The following BRINP2 variants were observed in gnomAD, a reference collection of about 807,000 sequenced individuals.
BRINP2 encodes the protein BMP/retinoic acid-inducible neural-specific protein 2.
Under a neutral mutation model 69.2 loss-of-function variants are expected in BRINP2, and 21 were observed. The ratio of observed to expected loss-of-function variants is 0.30; its 90% confidence interval spans 0.22 to 0.44. The LOEUF is 0.44. Ranked by LOEUF, BRINP2 falls within the 20% of genes least tolerant of loss-of-function variation. BRINP2 has a pLI of 1.00. For synonymous variants in BRINP2, 380 were observed against 394.1 expected (o/e 0.96, Z 0.42); for missense variants, 877 against 986.0 (o/e 0.89, Z 1.48).
chr1:177,276,041 C>T (rs936555094), intron 5 of BRINP2, among the ~76,000 whole-genome samples, 157 bp from the exon 6 acceptor site: 2 of 152,224 alleles, frequency 1.3e-5, no homozygotes, highest in African/African-American at 4.8e-5. Context: ...CCTTCTCCCC[C>T]AACCAGCTCA....
At chr1:177,263,225 G>A (rs1651014222) in intron 4 of BRINP2, among the ~76,000 whole-genome samples, 1 of 152,094 alleles carries the variant, frequency 6.6e-6, no homozygotes, top group Non-Finnish European at 1.5e-5. Context: ...GTATGAGTGG[G>A]TGATGCCTAA....
chr1:177,233,502 G>T (rs1220691702), intron 2 of BRINP2, among the ~76,000 whole-genome samples: 1 of 152,210 alleles, frequency 6.6e-6, no homozygotes, highest in Admixed American at 6.5e-5. Flanking sequence ...ATGCAGGAAG[G>T]ATAATGAGAT....
At chr1:177,181,822 A>G (rs1192616123) in intron 1 of BRINP2, among the ~76,000 whole-genome samples, 5 of 152,190 alleles carry the variant, frequency 3.3e-5, no homozygotes, top group Admixed American at 2.0e-4. Flanking sequence ...GAGCAAGGGC[A>G]GCCTCCTCCG....
At chr1:177,261,770 G>A (rs528441302) in intron 4 of BRINP2, among the ~76,000 whole-genome samples, 7 of 152,284 alleles carry the variant, frequency 4.6e-5, no homozygotes, top group African/African-American at 1.7e-4. Context: ...GTGGCCCTAG[G>A]GCTGAGTTGT....
intron 2 of BRINP2, among the ~76,000 whole-genome samples, chr1:177,245,314 G>A (rs935310343): frequency 2.0e-5 from 3 of 152,042 alleles, no homozygotes; most frequent in Admixed American, 6.5e-5. Flanking sequence ...GGTGGAGCAT[G>A]TAGGCCTAGG....
At chr1:177,257,880 A>C (rs1368753397) in intron 4 of BRINP2, among the ~76,000 whole-genome samples, 1 of 152,202 alleles carries the variant, frequency 6.6e-6, no homozygotes, top group Non-Finnish European at 1.5e-5. Context: ...CAAAGTACTA[A>C]GTACTTGTTC....
At chr1:177,208,013 T>C (rs1649114031) in intron 1 of BRINP2, among the ~76,000 whole-genome samples, 1 of 151,382 alleles carries the variant, frequency 6.6e-6, no homozygotes, top group African/African-American at 2.4e-5. Flanking sequence ...ACCTGGTGGT[T>C]ACAACCTGCA....
At position 177,282,399 on chromosome 1, in the gene BRINP2, T is replaced by C. The variant is rs1651734410; in HGVS notation, c.*871T>C. ...TGCTCCAACCACCTGAACATCTAAG[T>C]AAACATTTATCTGGTTTAATATATT... On this transcript the variant is annotated 3_prime_UTR_variant, in exon 8 of 8. Transcript: ENST00000361539. 5.9e-5 allele frequency: 9 copies of C among 151,916 alleles called. No individual in the cohort carries two copies. The highest frequency in any genetic ancestry group is 5.9e-4 in the Admixed American group (9 of 15,250). 9.4% of individuals were successfully genotyped at this position (151,916 alleles called of 1,614,324 possible).
intron 2 of BRINP2, among the ~76,000 whole-genome samples, chr1:177,251,925 T>A (rs1423086957): frequency 6.6e-6 from 1 of 152,156 alleles, no homozygotes; most frequent in African/African-American, 2.4e-5. Flanking sequence ...GATTAGAAAT[T>A]ATTAGTTAAT....
At chr1:177,177,619 C>A (rs1648130101) in intron 1 of BRINP2, among the ~76,000 whole-genome samples, 1 of 151,146 alleles carries the variant, frequency 6.6e-6, no homozygotes, top group South Asian at 2.1e-4. Flanking sequence ...CCTTCTCTTT[C>A]TATTTACTTC....
At chr1:177,241,159 G>C (rs1206883702) in intron 2 of BRINP2, among the ~76,000 whole-genome samples, 1 of 152,068 alleles carries the variant, frequency 6.6e-6, no homozygotes, top group Non-Finnish European at 1.5e-5. Flanking sequence ...TTTTAGTAGA[G>C]ACCGGGTTTC....
intron 1 of BRINP2, among the ~76,000 whole-genome samples, chr1:177,216,300 G>A (rs1649374332): frequency 1.3e-5 from 2 of 152,086 alleles, no homozygotes; most frequent in South Asian, 2.1e-4. Flanking sequence ...GTTGCCATGA[G>A]GCTTACATAG....
intron 1 of BRINP2, among the ~76,000 whole-genome samples, chr1:177,227,605 A>C (rs570180904): frequency 6.6e-6 from 1 of 151,186 alleles, no homozygotes; most frequent in African/African-American, 2.4e-5. Flanking sequence ...TTTAGTTTCA[A>C]AAGAGTTTTT....
At chr1:177,265,421 A>G (rs1017561712) in intron 4 of BRINP2, among the ~76,000 whole-genome samples, 1 of 152,152 alleles carries the variant, frequency 6.6e-6, no homozygotes, top group East Asian at 1.9e-4. Context: ...GCCCACTGCC[A>G]TTTCCTTAAT....
intron 1 of BRINP2, among the ~76,000 whole-genome samples, chr1:177,196,216 T>C (rs1648739316): frequency 6.6e-6 from 1 of 152,212 alleles, no homozygotes; most frequent in African/African-American, 2.4e-5. Context: ...TCAACCCAGA[T>C]ATACCTTAGA....
intron 4 of BRINP2, among the ~76,000 whole-genome samples, chr1:177,272,904 T>C (rs1012949977): frequency 1.3e-5 from 2 of 152,242 alleles, no homozygotes; most frequent in Non-Finnish European, 2.9e-5. Flanking sequence ...TTTGAAATAT[T>C]ACATGGCTAT....
chr1:177,227,724 C>T (rs970667933), intron 1 of BRINP2, among the ~76,000 whole-genome samples: 9 of 151,636 alleles, frequency 5.9e-5, no homozygotes, highest in Non-Finnish European at 1.5e-5. Flanking sequence ...ACTAATTTTC[C>T]AATATTAGGT....
chr1:177,265,991 G>A (rs1651105195), intron 4 of BRINP2, among the ~76,000 whole-genome samples: 1 of 151,488 alleles, frequency 6.6e-6, no homozygotes, highest in African/African-American at 2.4e-5. Context: ...GTGGTGGCAG[G>A]CGCCTGTAGT....
intron 4 of BRINP2, among the ~76,000 whole-genome samples, chr1:177,268,213 G>A (rs1463322182): frequency 6.6e-6 from 1 of 152,120 alleles, no homozygotes; most frequent in Non-Finnish European, 1.5e-5. Flanking sequence ...TGTCTGCCAG[G>A]GAACATTACT....
Sources: gnomAD v4.1 joint callset for allele counts (sites outside exome capture counted in the v4.1 genomes callset) on GRCh38, gnomAD v4.1.1 for gene constraint, MANE v1.5 for transcripts, NCBI Gene and HGNC (gene_info 2026-07-23, HGNC 2026-07-21) for gene names.